PIK3R3: variants seen among roughly 807,000 people sequenced by gnomAD.
PIK3R3 encodes phosphoinositide-3-kinase regulatory subunit 3, also known as phosphatidylinositol 3-kinase regulatory subunit gamma.
In PIK3R3, 64 loss-of-function variants were observed where a neutral mutation model predicts 62.9. That is an observed-to-expected ratio of 1.02 (90% CI 0.83 to 1.25). The LOEUF is 1.25. PIK3R3 is among the 50% of genes most tolerant of loss of function. PIK3R3 has a pLI of 0.00. For missense variants in PIK3R3, 614 were observed against 561.6 expected (o/e 1.09, Z -0.94); for synonymous variants, 165 against 189.0 (o/e 0.87, Z 1.04).
intron 1 of PIK3R3, among the ~76,000 whole-genome samples, chr1:46,093,628 G>C (rs968427522): frequency 1.3e-5 from 2 of 152,060 alleles, no homozygotes; most frequent in African/African-American, 4.8e-5. Context: ...GGTGGCTCAT[G>C]CATGTAATCC....
intron 1 of PIK3R3, among the ~76,000 whole-genome samples, chr1:46,109,967 T>C (rs1425738918): frequency 6.6e-6 from 1 of 152,160 alleles, no homozygotes; most frequent in Non-Finnish European, 1.5e-5. Context: ...CATTTTCCTA[T>C]TACTTTCCCA....
At position 46,046,012 on chromosome 1, in the gene PIK3R3, G is replaced by T; in HGVS notation, c.1093C>A (p.Arg365=). ...EKTWFVEDIN[R]VQAEDLLYGK... ...TAAAGCAAGTCCTCTGCTTGTACTC[G>T]ATTGATATCCTCAACAAACCAGGTT... The change falls in exon 9 of 10, where the codon CGA becomes AGA. Residue 365 remains arginine, a synonymous_variant. Transcript: ENST00000262741. The T allele has an allele frequency of 6.2e-7, 1 of 1,611,854 alleles. No individual in the cohort carries two copies. Among genetic ancestry groups the T allele is most frequent in the Non-Finnish European group, 8.5e-7 (1 of 1,178,220 alleles).
At chr1:46,127,107 G>A (rs1182910300) in intron 1 of PIK3R3, among the ~76,000 whole-genome samples, 1 of 152,064 alleles carries the variant, frequency 6.6e-6, no homozygotes, top group Admixed American at 6.5e-5. Context: ...GGCTGAAGCA[G>A]ACAGATCACT....
At chr1:46,067,441 TA>T (rs1649115877) in intron 3 of PIK3R3, among the ~76,000 whole-genome samples, 1 of 151,930 alleles carries the variant, frequency 6.6e-6, no homozygotes, top group African/African-American at 2.4e-5. Flanking sequence ...TTTTCAAATT[TA>T]AATTCTATCA....
At chr1:46,115,497 T>C (rs764711209) in intron 1 of PIK3R3, among the ~76,000 whole-genome samples, 1 of 152,186 alleles carries the variant, frequency 6.6e-6, no homozygotes, top group Non-Finnish European at 1.5e-5. Context: ...ACAGTTAAAT[T>C]TGAATTTCAA....
chr1:46,091,382 C>A (rs921464165), intron 1 of PIK3R3, among the ~76,000 whole-genome samples: 3 of 152,052 alleles, frequency 2.0e-5, no homozygotes, highest in African/African-American at 7.2e-5. Context: ...CTGAGGTGAT[C>A]CACCTGCCTC....
rs41301247 is a variant in PIK3R3, at chr1:46,040,914, G to A, written c.*2759C>T. 14 of 176,998 alleles carry A rather than the reference G, an allele frequency of 7.9e-5. No individual in the cohort carries two copies. Among genetic ancestry groups the A allele is most frequent in the Non-Finnish European group, 1.5e-4 (12 of 82,204 alleles). 11.0% of individuals were successfully genotyped at this position (176,998 alleles called of 1,614,324 possible). Reference sequence around the variant, plus strand: ...ATGGCGTGCCATCTAAGGCCAGGTGGAGACAACACTGTTCTGTGATGAAAG... The same window carrying A: ...ATGGCGTGCCATCTAAGGCCAGGTGAAGACAACACTGTTCTGTGATGAAAG... On this transcript the variant is annotated 3_prime_UTR_variant, in exon 10 of 10. Transcript: ENST00000262741.
chr1:46,045,951 C>T lies in PIK3R3; in HGVS notation c.1154G>A (p.Ser385Asn). 6.2e-7 allele frequency: 1 copy of T among 1,613,688 alleles called. No homozygotes were observed. ...GCAAGCATAGCATCCTTTCTTGCTA[C>T]TCTCACGAATTAAGAATGCACCATC... ...KPDGAFLIRESSKKGCYACSV... is the reference protein window; with the variant it reads ...KPDGAFLIRENSKKGCYACSV... The change falls in exon 9 of 10, where the codon AGT (serine) becomes AAT (asparagine). Residue 385 changes from serine (S) to asparagine (N), a missense_variant. Transcript: ENST00000262741.
chr1:46,172,316 C>T, the PIK3R3 span, among the ~76,000 whole-genome samples: 18 of 152,216 alleles, frequency 1.2e-4, no homozygotes, highest in African/African-American at 4.3e-4. Flanking sequence ...GGATTGACTA[C>T]AGGAAGATTT....
the PIK3R3 span, among the ~76,000 whole-genome samples, chr1:46,162,055 G>A: frequency 3.4e-5 from 5 of 147,118 alleles, no homozygotes; most frequent in African/African-American, 1.3e-4. Flanking sequence ...TCGCGCCACC[G>A]CACTCCAGCC....
chr1:46,122,553 A>G (rs1278889998), intron 1 of PIK3R3, among the ~76,000 whole-genome samples: 1 of 152,096 alleles, frequency 6.6e-6, no homozygotes, highest in Non-Finnish European at 1.5e-5. Flanking sequence ...TTTTTAGTAG[A>G]GATAGGGTTT....
intron 1 of PIK3R3, among the ~76,000 whole-genome samples, chr1:46,131,033 TTTACA>T (rs1461552510): frequency 6.6e-6 from 1 of 152,226 alleles, no homozygotes; most frequent in Non-Finnish European, 1.5e-5. Context: ...ATATGTATAC[TTTACA>T]TTACGTGTAT....
At chr1:46,124,733 T>C (rs1267770676) in intron 1 of PIK3R3, among the ~76,000 whole-genome samples, 1 of 142,740 alleles carries the variant, frequency 7.0e-6, no homozygotes, top group Non-Finnish European at 1.5e-5. Context: ...GAGGCGGAGG[T>C]TGCGGTGAGC....
intron 1 of PIK3R3, among the ~76,000 whole-genome samples, chr1:46,096,544 T>C (rs1270391151): frequency 1.3e-5 from 2 of 152,266 alleles, no homozygotes; most frequent in Non-Finnish European, 2.9e-5. Flanking sequence ...AAAGTATTTC[T>C]GTGTGTTCTT....
At chr1:46,159,951 C>T in the PIK3R3 span, among the ~76,000 whole-genome samples, 1 of 152,128 alleles carries the variant, frequency 6.6e-6, no homozygotes, top group African/African-American at 2.4e-5. Context: ...TCCTGACTCC[C>T]AGATTCTCAA....
the PIK3R3 span, among the ~76,000 whole-genome samples, chr1:46,169,373 A>G: frequency 1.4e-4 from 22 of 152,170 alleles, no homozygotes. Context: ...AGGCATTGAC[A>G]CATTTAGGAT....
rs1355490553 is a variant in PIK3R3 at position 46,132,622 on chromosome 1, C to T, written c.-670G>A. On this transcript the variant is annotated 5_prime_UTR_variant, in exon 1 of 10. Transcript: ENST00000262741. ...CCCGACCGCACCAACTGCCCTCAAGCTCTGCCCGGACTCCAGCCACTAGAG... is the reference window on the plus strand; with the variant it reads ...CCCGACCGCACCAACTGCCCTCAAGTTCTGCCCGGACTCCAGCCACTAGAG... 2 of 1,289,606 alleles carry T rather than the reference C, an allele frequency of 1.6e-6. No homozygotes were observed. Among genetic ancestry groups the T allele is most frequent in the South Asian group, 1.2e-5 (1 of 81,034 alleles). 79.9% of individuals were successfully genotyped at this position (1,289,606 alleles called of 1,614,324 possible). A position where few individuals can be genotyped will look rare whatever the true frequency, so the allele number is the denominator to read the frequency against.
chr1:46,104,685 T>C (rs975315499), intron 1 of PIK3R3, among the ~76,000 whole-genome samples: 19 of 151,998 alleles, frequency 1.3e-4, no homozygotes, highest in Admixed American at 6.6e-5. Flanking sequence ...TCCCAGCACT[T>C]TGGAAGGCTG....
chr1:46,131,342 A>G (rs1655563108), intron 1 of PIK3R3, among the ~76,000 whole-genome samples: 1 of 152,214 alleles, frequency 6.6e-6, no homozygotes, highest in Admixed American at 6.5e-5. Flanking sequence ...GGAGTCTTAC[A>G]ATGAATAATC....
Sources: gnomAD v4.1 joint callset for allele counts (sites outside exome capture counted in the v4.1 genomes callset) on GRCh38, gnomAD v4.1.1 for gene constraint, MANE v1.5 for transcripts, NCBI Gene and HGNC (gene_info 2026-07-23, HGNC 2026-07-21) for gene names.